RBM4B: variants seen among roughly 807,000 people sequenced by gnomAD.
RBM4B encodes RNA-binding protein 4B.
RBM4B carries 13 observed loss-of-function variants against 28.5 expected under a neutral mutation model. The observed-to-expected ratio is 0.46, with a 90% CI of 0.30 to 0.72. The LOEUF is 0.72. Among genes scored for constraint, RBM4B ranks in the 30% least tolerant of loss-of-function variants. The pLI is 0.09. For missense variants in RBM4B, 387 were observed against 477.6 expected (o/e 0.81, Z 1.77); for synonymous variants, 167 against 179.1 (o/e 0.93, Z 0.54).
chr11:66,670,902 C>G (rs1189443589), intron 2 of RBM4B: 3 of 702,416 alleles, frequency 4.3e-6, no homozygotes, highest in Non-Finnish European at 7.8e-6. Flanking sequence ...AATCCCCCCT[C>G]TGCAATCAGC....
intron 2 of RBM4B, chr11:66,676,350 C>G: frequency 2.0e-6 from 1 of 492,566 alleles, no homozygotes; most frequent in East Asian, 3.2e-5. Context: ...TTTATCCTCC[C>G]TTCTCTCATG....
intron 2 of RBM4B, 39 bp from the exon 3 acceptor site, chr11:66,669,330 C>T (rs1447993730): frequency 6.3e-7 from 1 of 1,575,468 alleles, no homozygotes; most frequent in East Asian, 2.3e-5. Flanking sequence ...TTTTAACTCA[C>T]TTGACATTCT....
rs574932627 is a variant in RBM4B at position 66,666,910 on chromosome 11, A to AT, written c.*10-1333dup. 4.9e-3 allele frequency: 701 copies of AT among 143,352 alleles called. 8 individuals carry two copies. The highest frequency in any genetic ancestry group is 0.012 in the African/African-American group (472 of 38,920). The allele number at this position is 143,352 out of a possible 1,614,324, so 8.9% of individuals were successfully genotyped here. ...CAAATTGCTGTGGCTTTGCTTTTTA[A>AT]TTTTTTTTTTTTTTTTTAAGAGAGA... On this transcript the variant is annotated intron_variant, in intron 3 of 3. Coordinates refer to ENST00000310046, the MANE Select transcript of RBM4B (RefSeq NM_031492.4).
In RBM4B at chr11:66,669,368, A is replaced by G. The variant is rs1939382792; in HGVS notation, c.413-77T>C. On this transcript the variant is annotated intron_variant, in intron 2 of 3. Transcript: ENST00000310046. The stretch of plus-strand genomic sequence containing the variant: ...TTCCTCTCCTCCCCAAATGAAAGTA[A>G]ATTAGTTGTCATAAGACACATAGAC... 27 of 1,415,030 alleles carry G rather than the reference A, an allele frequency of 1.9e-5. No homozygotes were observed. The South Asian group carries it at 3.4e-4, about 18-fold the overall frequency. 87.7% of individuals were successfully genotyped at this position (1,415,030 alleles called of 1,614,324 possible).
At position 66,668,833 on chromosome 11, in the gene RBM4B, C is replaced by A. The variant is rs200939157; in HGVS notation, c.871G>T (p.Ala291Ser). ...TAGTAGGAGGAAGTGGTGGCTGCAGCAGCAGCCATAGCAGCTGAAGTGGCA... is the reference window on the plus strand; with the variant it reads ...TAGTAGGAGGAAGTGGTGGCTGCAGAAGCAGCCATAGCAGCTGAAGTGGCA... ...AAATSAAMAA[A>S]AATTSSYYGR... is the part of the protein sequence containing the mutation. The change falls in exon 3 of 4, where the codon GCT becomes TCT. Residue 291 changes from alanine (A) to serine (S), a missense_variant. Ala to Ser is a moderately conservative substitution (Grantham distance 99). This residue lies in a region of RBM4B where 226 missense variants were observed against 220.6 expected (regional missense o/e 1.02). Coordinates refer to ENST00000310046, the MANE Select transcript of RBM4B (RefSeq NM_031492.4). 2.5e-6 allele frequency: 4 copies of A among 1,614,190 alleles called. No homozygotes were observed. Among genetic ancestry groups the A allele is most frequent in the East Asian group, 4.5e-5 (2 of 44,882 alleles).
intron 2 of RBM4B, among the ~76,000 whole-genome samples, chr11:66,674,385 C>T (rs1367353881): frequency 1.2e-4 from 18 of 151,212 alleles, no homozygotes; most frequent in Non-Finnish European, 2.4e-4. Flanking sequence ...CCACCATGGC[C>T]GGCTAATTTT....
intron 3 of RBM4B, chr11:66,666,542 A>T: frequency 1.7e-6 from 1 of 579,752 alleles, no homozygotes; most frequent in Non-Finnish European, 2.2e-6. Flanking sequence ...AGGTTAGTTG[A>T]ACAACCACTG....
In RBM4B at chr11:66,676,945, C is replaced by A. The variant is rs770919260; in HGVS notation, c.135G>T (p.Lys45Asn). The A allele has an allele frequency of 6.2e-7, 1 of 1,614,134 alleles. No homozygotes were observed. The highest frequency in any genetic ancestry group is 8.5e-7 in the Non-Finnish European group (1 of 1,180,028). The change falls in exon 2 of 4, where the codon AAG becomes AAT. Residue 45 changes from lysine (K) to asparagine (N), a missense_variant. This residue lies in a region of RBM4B where 161 missense variants were observed against 256.9 expected (regional missense o/e 0.63). Transcript: ENST00000310046. ...TGCGTATGGCATCCTCAGCTGCCGT[C>A]TTGTCTTCTATGTGCACAAAGCCGT... ...KNYGFVHIEDKTAAEDAIRNL... is the reference protein window; with the variant it reads ...KNYGFVHIEDNTAAEDAIRNL...
At chr11:66,666,680 G>A (rs1450408258) in intron 3 of RBM4B, 1 of 152,738 alleles carries the variant, frequency 6.5e-6, no homozygotes, top group Non-Finnish European at 1.5e-5. Flanking sequence ...GCTTACTTCG[G>A]AAGCATGTCC....
At chr11:66,673,649 G>A (rs569502026) in intron 2 of RBM4B, among the ~76,000 whole-genome samples, 2 of 152,256 alleles carry the variant, frequency 1.3e-5, no homozygotes, top group South Asian at 4.1e-4. Flanking sequence ...AGTAGAGACA[G>A]GGTTTCACCA....
chr11:66,668,640 C>T lies in RBM4B; in HGVS notation c.1064G>A (p.Arg355Gln), dbSNP rs189779869. 55 of 1,602,666 alleles carry T rather than the reference C, an allele frequency of 3.4e-5. No homozygotes were observed. Among genetic ancestry groups the T allele is most frequent in the African/African-American group, 5.3e-5 (4 of 74,846 alleles). ...CTCCAGTTTTTAAAAGGCTGAGTAC[C>T]GGGCTCGGTCCACATACTGCTCCCG... Reference protein sequence around the residue: ...YEREQYVDRARYSAF With the variant: ...YEREQYVDRAQYSAF Residue 355 changes from arginine to glutamine, a missense_variant, in exon 3 of 4, where the codon CGG becomes CAG. Physicochemically the swap from Arg to Gln is conservative, Grantham distance 43. This residue lies in a region of RBM4B where 226 missense variants were observed against 220.6 expected (regional missense o/e 1.02). Coordinates refer to ENST00000310046, the MANE Select transcript of RBM4B (RefSeq NM_031492.4).
intron 3 of RBM4B, chr11:66,668,364 A>T (rs1939323700): frequency 2.2e-6 from 1 of 445,182 alleles, no homozygotes; most frequent in Admixed American, 3.7e-5. Context: ...TGATTAAAGA[A>T]TGTTCTCACT....
In RBM4B at chr11:66,674,536, C is replaced by T. The variant is rs541150224; in HGVS notation, c.412+2132G>A. On this transcript the variant is annotated intron_variant, in intron 2 of 3. Transcript: ENST00000310046. ...GCCACAGCACCCGGCCTGTCCTTTT[C>T]CTTTTATTCAGTTGTATTAAATATA... Among the ~76,000 whole-genome samples the T allele has an allele frequency of 1.2e-4, 18 of 148,058 alleles. No homozygotes were observed. The South Asian group carries it at 2.6e-3, about 21-fold the overall frequency.
intron 3 of RBM4B, chr11:66,666,197 A>T: frequency 1.2e-6 from 1 of 856,134 alleles, no homozygotes; most frequent in Non-Finnish European, 1.6e-6. Context: ...AATCATTCCT[A>T]GAATTCTCTA....
In RBM4B at chr11:66,669,159, C is replaced by T. The variant is rs780571888; in HGVS notation, c.545G>A (p.Arg182His). The part of the protein sequence containing the change: ...SKECPVDRTG[R>H]VADFTEQYNE... ...ATACTGCTCAGTAAAGTCTGCCACACGACCCGTACGATCTACTGGGCACTC... is the reference window on the plus strand; with the variant it reads ...ATACTGCTCAGTAAAGTCTGCCACATGACCCGTACGATCTACTGGGCACTC... The change falls in exon 3 of 4, where the codon CGT (arginine) becomes CAT (histidine). Residue 182 changes from arginine to histidine, a missense_variant. This residue lies in a region of RBM4B where 161 missense variants were observed against 256.9 expected (regional missense o/e 0.63). Coordinates refer to ENST00000310046, the MANE Select transcript of RBM4B (RefSeq NM_031492.4). The T allele has an allele frequency of 9.9e-6, 16 of 1,614,058 alleles. No individual in the cohort carries two copies. Among genetic ancestry groups the T allele is most frequent in the Non-Finnish European group, 1.3e-5 (15 of 1,180,048 alleles).
At chr11:66,666,831 G>A (rs1252037426) in intron 3 of RBM4B, 1 of 152,086 alleles carries the variant, frequency 6.6e-6, no homozygotes, top group East Asian at 1.9e-4. Context: ...CATGCATATA[G>A]GGTACAACTT....
At chr11:66,674,229 C>CTT (rs1469956708) in intron 2 of RBM4B, among the ~76,000 whole-genome samples, 38 of 57,720 alleles carry the variant, frequency 6.6e-4, no homozygotes, top group African/African-American at 2.5e-3. Context: ...TCTTTTCTTT[C>CTT]TTTTTTTTTT....
At chr11:66,666,329 A>C in intron 3 of RBM4B, 1 of 1,021,690 alleles carries the variant, frequency 9.8e-7, no homozygotes, top group Non-Finnish European at 1.2e-6. Context: ...GATCTGTGCC[A>C]ATCGACTTCA....
chr11:66,669,431 A>G, intron 2 of RBM4B, 140 bp from the exon 3 acceptor site: 1 of 813,338 alleles, frequency 1.2e-6, no homozygotes, highest in Middle Eastern at 2.4e-4. Context: ...ACCTCCTTTA[A>G]AAAGTAGTTG....
Sources: gnomAD v4.1 joint callset for allele counts (sites outside exome capture counted in the v4.1 genomes callset) on GRCh38, gnomAD v4.1.1 for gene constraint, gnomAD v4.1.1 regional missense constraint, MANE v1.5 for transcripts, NCBI Gene and HGNC (gene_info 2026-07-23, HGNC 2026-07-21) for gene names.